Variants in SPECC1 observed in about 807,000 individuals in gnomAD.
SPECC1 encodes sperm antigen with calponin homology and coiled-coil domains 1.
SPECC1 carries 62 observed loss-of-function variants against 104.1 expected under a neutral mutation model. The ratio of observed to expected loss-of-function variants is 0.60; its 90% confidence interval spans 0.49 to 0.74. The LOEUF (loss-of-function observed/expected upper bound fraction) is 0.74. Among genes scored for constraint, SPECC1 ranks in the 30% least tolerant of loss-of-function variants. The probability of loss-of-function intolerance (pLI) is 0.00; values close to 1 mark genes in which losing one functional copy is unlikely to be tolerated. For missense variants in SPECC1, 1,306 were observed against 1,310.5 expected, an observed-to-expected ratio of 1.00 and a Z score of 0.05; for synonymous variants, 513 against 501.6, an observed-to-expected ratio of 1.02 and a Z score of -0.30.
At position 20,227,409 on chromosome 17, in the gene SPECC1, T is replaced by G. The variant is rs139150949; in HGVS notation, c.1864-4T>G. ...CTGACCAAGGAACCTTCCTTTTATT[T>G]TAGGTGGAAAAGGATTATTCATACC... On this transcript the variant is annotated splice_polypyrimidine_tract_variant and splice_region_variant and intron_variant, in intron 4 of 14. Coordinates refer to ENST00000395527, the MANE Select transcript of SPECC1 (RefSeq NM_001243439.2). 1 of 1,610,364 alleles carries G rather than the reference T, an allele frequency of 6.2e-7. No homozygotes were observed. The highest frequency in any genetic ancestry group is 2.2e-5 in the East Asian group (1 of 44,686).
At chr17:20,112,368 A>T (rs1386040573) in intron 3 of SPECC1, 1 of 757,038 alleles carries the variant, frequency 1.3e-6, no homozygotes, top group Non-Finnish European at 2.5e-6. Flanking sequence ...TTGATTGAAC[A>T]CCTAGAAATG....
At chr17:20,066,184 A>C (rs922991840) in intron 1 of SPECC1, among the ~76,000 whole-genome samples, 1 of 152,176 alleles carries the variant, frequency 6.6e-6, no homozygotes. Flanking sequence ...ATCCTGAATC[A>C]TTAGAGTCTC....
At chr17:20,151,149 TAC>T (rs1417753382) in intron 3 of SPECC1, among the ~76,000 whole-genome samples, 1 of 152,200 alleles carries the variant, frequency 6.6e-6, no homozygotes, top group Non-Finnish European at 1.5e-5. Flanking sequence ...ATTTAGAAAT[TAC>T]AGACAGTCCC....
rs3072413 is a variant in SPECC1, at chr17:20,308,389, C to CAAAAAAAAAA, written c.3117+2320_3117+2329dup. Reference sequence around the variant, plus strand: ...GGGTGACAAGAGCGAAACTCCATCTCAAAAAAAAAAAAAAAAAAAAAATTC... The same window carrying CAAAAAAAAAA: ...GGGTGACAAGAGCGAAACTCCATCTCAAAAAAAAAAAAAAAAAAAAAAAAAAAAAAAATTC... On this transcript the variant is annotated intron_variant, in intron 14 of 14. Transcript: ENST00000395527. Among the ~76,000 whole-genome samples the CAAAAAAAAAA allele has an allele frequency of 5.3e-4, 35 of 66,576 alleles. 1 individual carries two copies. Among genetic ancestry groups the CAAAAAAAAAA allele is most frequent in the African/African-American group, 2.2e-3 (31 of 14,058 alleles). The allele number at this position is 66,576 out of a possible 152,430, so 43.7% of individuals were successfully genotyped here.
intron 12 of SPECC1, among the ~76,000 whole-genome samples, chr17:20,274,393 C>T (rs1045148364): frequency 5.9e-5 from 9 of 151,884 alleles, no homozygotes; most frequent in African/African-American, 1.5e-4. Context: ...CTGTGGCATG[C>T]GTTGTTTTGA....
At chr17:20,250,651 C>G (rs2039589333) in intron 9 of SPECC1, among the ~76,000 whole-genome samples, 1 of 152,190 alleles carries the variant, frequency 6.6e-6, no homozygotes, top group African/African-American at 2.4e-5. Context: ...TGAAACCTCC[C>G]AAACATTTAA....
intron 3 of SPECC1, among the ~76,000 whole-genome samples, chr17:20,179,887 G>A (rs1433942415): frequency 1.3e-5 from 2 of 152,176 alleles, no homozygotes; most frequent in Non-Finnish European, 2.9e-5. Context: ...AGAATTCTTG[G>A]AAGGATCGTA....
chr17:20,317,748 T>C lies in SPECC1; in HGVS notation c.*3683T>C, dbSNP rs1294817872. On this transcript the variant is annotated 3_prime_UTR_variant, in exon 15 of 15. Coordinates refer to ENST00000395527, the MANE Select transcript of SPECC1 (RefSeq NM_001243439.2). Reference sequence around the variant, plus strand: ...CACACACACACACAAAAAAAAGAAATACAGGTGGTGTTTTGGGGAAGGGAA... The same window carrying C: ...CACACACACACACAAAAAAAAGAAACACAGGTGGTGTTTTGGGGAAGGGAA... 4 of 218,418 alleles carry C rather than the reference T, an allele frequency of 1.8e-5. No individual in the cohort carries two copies. The highest frequency in any genetic ancestry group is 3.7e-5 in the Non-Finnish European group (4 of 108,998). The allele number at this position is 218,418 out of a possible 1,614,324, so 13.5% of individuals were successfully genotyped here. A position where few individuals can be genotyped will look rare whatever the true frequency, so the allele number is the denominator to read the frequency against.
intron 4 of SPECC1, among the ~76,000 whole-genome samples, chr17:20,217,995 G>C (rs571987796): frequency 6.6e-6 from 1 of 152,312 alleles, no homozygotes; most frequent in Non-Finnish European, 1.5e-5. Context: ...TCGTGCCACT[G>C]TGCTCCAGCC....
intron 1 of SPECC1, among the ~76,000 whole-genome samples, chr17:20,088,647 T>C (rs1218822067): frequency 3.3e-5 from 5 of 152,190 alleles, no homozygotes; most frequent in Non-Finnish European, 5.9e-5. Flanking sequence ...GCAAGTTTCA[T>C]TGGAAGTGCA....
At chr17:20,059,304 G>A (rs1432636105) in intron 1 of SPECC1, among the ~76,000 whole-genome samples, 1 of 152,042 alleles carries the variant, frequency 6.6e-6, no homozygotes, top group Non-Finnish European at 1.5e-5. Flanking sequence ...CGGCATTAGA[G>A]TCTCATAAAG....
chr17:20,210,259 T>C (rs1026234740), intron 4 of SPECC1, among the ~76,000 whole-genome samples: 3 of 152,182 alleles, frequency 2.0e-5, no homozygotes, highest in Non-Finnish European at 4.4e-5. Flanking sequence ...GGTGATGTAT[T>C]GATATATGAG....
At chr17:20,305,746 C>T (rs551272558) in intron 13 of SPECC1, 126 of 350,978 alleles carry the variant, frequency 3.6e-4, no homozygotes, top group Non-Finnish European at 4.7e-4. Context: ...AATGTTTATG[C>T]CATAAATCTT....
Position 20,204,539 on chromosome 17 carries a change from G to A in SPECC1, c.490G>A (p.Ala164Thr), listed in dbSNP as rs1161370985. ...PKQENEGGEK[A>T]ALESQVRELL... Reference sequence around the variant, plus strand: ...GCAAGAGAATGAAGGTGGAGAAAAGGCTGCGCTTGAGTCCCAAGTTCGGGA... The same window carrying A: ...GCAAGAGAATGAAGGTGGAGAAAAGACTGCGCTTGAGTCCCAAGTTCGGGA... Residue 164 changes from alanine (A) to threonine (T), a missense_variant, in exon 4 of 15, where the codon GCT (alanine) becomes ACT (threonine). Around this residue, in one of 2 missense-constraint regions of SPECC1, gnomAD observed 1,177 missense variants for 1,139.9 expected, o/e 1.03. Transcript: ENST00000395527. 6.2e-7 allele frequency: 1 copy of A among 1,614,164 alleles called. No individual in the cohort carries two copies. Among genetic ancestry groups the A allele is most frequent in the South Asian group, 1.1e-5 (1 of 91,072 alleles).
chr17:20,138,109 C>T (rs2030253806), intron 3 of SPECC1, among the ~76,000 whole-genome samples: 1 of 152,140 alleles, frequency 6.6e-6, no homozygotes, highest in African/African-American at 2.4e-5. Flanking sequence ...GCTGGGACTA[C>T]AGGTGGGCAC....
At chr17:20,264,782 G>A (rs1166193620) in intron 12 of SPECC1, among the ~76,000 whole-genome samples, 1 of 151,856 alleles carries the variant, frequency 6.6e-6, no homozygotes, top group Admixed American at 6.6e-5. Context: ...AAGGGCTACT[G>A]GATACATATA....
chr17:20,038,948 A>G (rs2045210061), intron 1 of SPECC1, among the ~76,000 whole-genome samples: 1 of 152,222 alleles, frequency 6.6e-6, no homozygotes, highest in African/African-American at 2.4e-5. Context: ...AGCGTTAGAT[A>G]TAATCCACAT....
chr17:20,285,988 A>AT (rs1287088739), intron 12 of SPECC1, among the ~76,000 whole-genome samples: 1 of 151,522 alleles, frequency 6.6e-6, no homozygotes, highest in African/African-American at 2.4e-5. Flanking sequence ...TAATTTTTAC[A>AT]TTTTTTGTAG....
rs373548284 is a variant in SPECC1 at position 20,239,043 on chromosome 17, A to G, written c.2351+6638A>G. 2.5e-5 allele frequency: 26 copies of G among 1,032,882 alleles called. No individual in the cohort carries two copies. In the East Asian group the frequency reaches 4.3e-4, roughly 17 times the overall value. The allele number at this position is 1,032,882 out of a possible 1,614,324, so 64.0% of individuals were successfully genotyped here. ...TAGAAAAAAGCTGGATGTAAGTTGT[A>G]AATAGGAGGTTGACATGGAATATGA... is the stretch of plus-strand genomic sequence containing the variant. On this transcript the variant is annotated intron_variant, in intron 7 of 14. Transcript: ENST00000395527.
Sources: allele counts gnomAD v4.1 joint callset (sites outside exome capture counted in the v4.1 genomes callset), GRCh38; gene constraint gnomAD v4.1.1; regional missense constraint gnomAD v4.1.1; transcripts MANE v1.5; gene names NCBI Gene and HGNC (gene_info 2026-07-23, HGNC 2026-07-21).